CDH18: variants seen among roughly 807,000 people sequenced by gnomAD.
The protein encoded by CDH18 is cadherin-18.
CDH18 carries 31 observed loss-of-function variants against 67.9 expected under a neutral mutation model. The observed-to-expected ratio is 0.46, with a 90% CI of 0.34 to 0.62. CDH18 has a LOEUF of 0.62. CDH18 is among the 20% of genes least tolerant of loss of function. The pLI, the probability that CDH18 is intolerant of heterozygous loss-of-function variation, is 0.01. For missense variants in CDH18, 890 were observed against 975.5 expected (o/e 0.91, Z 1.17); for synonymous variants, 362 against 347.2 (o/e 1.04, Z -0.48).
chr5:20,349,487 A>G (rs1740984631), intron 1 of CDH18, among the ~76,000 whole-genome samples: 1 of 152,138 alleles, frequency 6.6e-6, no homozygotes, highest in Non-Finnish European at 1.5e-5. Context: ...TTATTGATGA[A>G]AGAAAGTGTT....
intron 1 of CDH18, among the ~76,000 whole-genome samples, chr5:20,379,217 T>A (rs1200416802): frequency 1.3e-5 from 2 of 152,216 alleles, no homozygotes; most frequent in Non-Finnish European, 2.9e-5. Context: ...ACTTTATTAG[T>A]TTGCTTATAT....
intron 2 of CDH18, among the ~76,000 whole-genome samples, chr5:20,146,770 C>A (rs1429965743): frequency 6.6e-6 from 1 of 151,764 alleles, no homozygotes; most frequent in African/African-American, 2.4e-5. Flanking sequence ...ACTGACAATA[C>A]CATATTTCTG....
intron 1 of CDH18, among the ~76,000 whole-genome samples, chr5:20,566,983 G>A (rs1239435528): frequency 2.0e-5 from 3 of 152,076 alleles, no homozygotes; most frequent in Admixed American, 6.6e-5. Flanking sequence ...AAGGCCAAAC[G>A]CCATGATCAA....
intron 3 of CDH18, among the ~76,000 whole-genome samples, chr5:19,810,373 G>A (rs1778510748): frequency 6.6e-6 from 1 of 151,610 alleles, no homozygotes; most frequent in African/African-American, 2.4e-5. Flanking sequence ...GAGAAAATAA[G>A]GCAAAAGGAA....
chr5:20,390,286 T>C (rs1401963887), intron 1 of CDH18, among the ~76,000 whole-genome samples: 1 of 149,570 alleles, frequency 6.7e-6, no homozygotes, highest in Non-Finnish European at 1.5e-5. Flanking sequence ...TCAAACAAAT[T>C]TACAAGAAAA....
At position 20,539,003 on chromosome 5, in the gene CDH18, G is replaced by A. The variant is rs60494145; in HGVS notation, c.-580+36459C>T. 9.9e-3 allele frequency among the ~76,000 whole-genome samples: 1,400 copies of A among 141,336 alleles called. 23 individuals are homozygous for A. Among genetic ancestry groups the A allele is most frequent in the African/African-American group, 0.033 (1,299 of 38,902 alleles). 92.7% of individuals were successfully genotyped at this position (141,336 alleles called of 152,430 possible). ...TCCTGGGTTCAAGCAATTCTCTTGCGTCATACTCCCAAGTAGCTGGGATTA... is the reference window on the plus strand; with the variant it reads ...TCCTGGGTTCAAGCAATTCTCTTGCATCATACTCCCAAGTAGCTGGGATTA... On this transcript the variant is annotated intron_variant, in intron 1 of 14. Coordinates refer to the CDH18 transcript ENST00000507958.
In CDH18 at chr5:19,511,080, G is replaced by A. The variant is rs1745044550; in HGVS notation, c.1513-7971C>T. On this transcript the variant is annotated intron_variant, in intron 10 of 12. Coordinates refer to ENST00000382275, the MANE Select transcript of CDH18 (RefSeq NM_004934.5). ...GCCTGCCTTAGCCTCCCAAAGTACTGGGATTACAGGCATGAGCCAATGCAC... is the reference window on the plus strand; with the variant it reads ...GCCTGCCTTAGCCTCCCAAAGTACTAGGATTACAGGCATGAGCCAATGCAC... 2.6e-5 allele frequency among the ~76,000 whole-genome samples: 4 copies of A among 152,050 alleles called. No individual in the cohort carries two copies. The South Asian group carries it at 8.3e-4, about 32-fold the overall frequency.
At chr5:20,365,645 TTAAG>T in intron 1 of CDH18, among the ~76,000 whole-genome samples, 1 of 152,282 alleles carries the variant, frequency 6.6e-6, no homozygotes, top group East Asian at 1.9e-4. Flanking sequence ...TTCCTATTAA[TTAAG>T]TGAAAATAAT....
intron 1 of CDH18, among the ~76,000 whole-genome samples, chr5:20,382,786 T>C (rs1580871526): frequency 6.6e-6 from 1 of 152,162 alleles, no homozygotes; most frequent in East Asian, 1.9e-4. Context: ...ACACCAGTTA[T>C]GTGTGCATAA....
intron 7 of CDH18, among the ~76,000 whole-genome samples, chr5:19,580,611 G>T (rs949104486): frequency 2.6e-5 from 4 of 151,690 alleles, no homozygotes; most frequent in Admixed American, 2.6e-4. Context: ...ACTTAACACC[G>T]ACCTATGCCC....
At chr5:19,504,085 T>C (rs944066984) in intron 10 of CDH18, among the ~76,000 whole-genome samples, 1 of 152,236 alleles carries the variant, frequency 6.6e-6, no homozygotes, top group Admixed American at 6.6e-5. Context: ...ATATCACAGT[T>C]AAAACTTAAA....
intron 1 of CDH18, among the ~76,000 whole-genome samples, chr5:20,291,714 G>A (rs938723049): frequency 7.9e-5 from 12 of 152,122 alleles, no homozygotes; most frequent in African/African-American, 2.9e-4. Context: ...AGGTCAAATT[G>A]AGTCATCAGA....
At chr5:19,943,199 TG>T (rs1334709403) in intron 2 of CDH18, among the ~76,000 whole-genome samples, 2 of 151,972 alleles carry the variant, frequency 1.3e-5, no homozygotes, top group African/African-American at 2.4e-5. Context: ...TGTTGTTGTT[TG>T]GGGGGGTAAG....
At chr5:19,887,737 T>A (rs571710885) in intron 2 of CDH18, among the ~76,000 whole-genome samples, 1 of 151,884 alleles carries the variant, frequency 6.6e-6, no homozygotes, top group South Asian at 2.1e-4. Flanking sequence ...GTGTTTTTTT[T>A]TTTTTTAATT....
intron 5 of CDH18, among the ~76,000 whole-genome samples, chr5:19,655,972 T>C (rs1160462758): frequency 6.6e-6 from 1 of 150,978 alleles, no homozygotes; most frequent in Non-Finnish European, 1.5e-5. Flanking sequence ...GAGATACTTT[T>C]AGTCTACTCA....
chr5:20,085,685 T>A (rs895453382), intron 2 of CDH18, among the ~76,000 whole-genome samples: 1 of 152,110 alleles, frequency 6.6e-6, no homozygotes, highest in African/African-American at 2.4e-5. Flanking sequence ...GAAGAGCAAG[T>A]CTTGTCTTAC....
At chr5:19,847,277 T>G (rs1783094433) in intron 2 of CDH18, among the ~76,000 whole-genome samples, 1 of 152,080 alleles carries the variant, frequency 6.6e-6, no homozygotes, top group South Asian at 2.1e-4. Flanking sequence ...ACTGATCTAC[T>G]TGATGTTGTT....
intron 11 of CDH18, among the ~76,000 whole-genome samples, chr5:19,495,497 T>C (rs1742142374): frequency 6.6e-6 from 1 of 151,752 alleles, no homozygotes; most frequent in Non-Finnish European, 1.5e-5. Context: ...TCCCAGCACT[T>C]TGGGAGGCCG....
chr5:19,509,933 T>G (rs1744856670), intron 10 of CDH18, among the ~76,000 whole-genome samples: 1 of 152,138 alleles, frequency 6.6e-6, no homozygotes, highest in South Asian at 2.1e-4. Flanking sequence ...CTTAGAGAAC[T>G]ATATTGTTGC....
Sources: gnomAD v4.1 joint callset for allele counts (sites outside exome capture counted in the v4.1 genomes callset) on GRCh38, gnomAD v4.1.1 for gene constraint, MANE v1.5 for transcripts, NCBI Gene and HGNC (gene_info 2026-07-23, HGNC 2026-07-21) for gene names.